The following KCNG3 variants were observed in gnomAD, a reference collection of about 807,000 sequenced individuals.
KCNG3 encodes the protein voltage-gated potassium channel regulatory subunit KCNG3.
A neutral mutation model predicts 29.0 loss-of-function variants in KCNG3; 15 were observed. That is an observed-to-expected ratio of 0.52 (90% CI 0.35 to 0.80). KCNG3 has a LOEUF of 0.80. Among genes scored for constraint, KCNG3 ranks in the 30% least tolerant of loss-of-function variants. The pLI is 0.01. For synonymous variants in KCNG3, 322 were observed against 248.9 expected, an observed-to-expected ratio of 1.29 and a Z score of -2.76; for missense variants, 512 against 605.7, an observed-to-expected ratio of 0.85 and a Z score of 1.62.
chr2:42,414,475 C>T, the KCNG3 span, among the ~76,000 whole-genome samples: 1 of 151,846 alleles, frequency 6.6e-6, no homozygotes. Context: ...TCTTTACCTC[C>T]TGGTAGCTTT....
chr2:42,484,848 G>C lies in KCNG3; in HGVS notation c.665+7989C>G, dbSNP rs559211621. ...TGGCAGCAGCCTGTACACATTAAAA[G>C]AAACAGTCTACTGTGAAAGAACAGA... On this transcript the variant is annotated intron_variant, in intron 1 of 1. Transcript: ENST00000306078. Among the ~76,000 whole-genome samples, 34 of 152,328 alleles carry C rather than the reference G, an allele frequency of 2.2e-4. No individual in the cohort carries two copies. The East Asian group carries it at 5.2e-3, about 23-fold the overall frequency.
intron 1 of KCNG3, among the ~76,000 whole-genome samples, chr2:42,449,008 T>C (rs903561854): frequency 3.3e-5 from 5 of 151,990 alleles, no homozygotes; most frequent in Non-Finnish European, 7.4e-5. Flanking sequence ...AAAACATGCT[T>C]ATACAGACAG....
chr2:42,469,592 A>G (rs987833699), intron 1 of KCNG3, among the ~76,000 whole-genome samples: 1 of 152,064 alleles, frequency 6.6e-6, no homozygotes, highest in African/African-American at 2.4e-5. Flanking sequence ...CATAAATAAT[A>G]ATAGGTGGAC....
At chr2:42,416,753 C>T in the KCNG3 span, among the ~76,000 whole-genome samples, 2 of 149,492 alleles carry the variant, frequency 1.3e-5, no homozygotes, top group African/African-American at 2.5e-5. Flanking sequence ...AGTAGGCAGA[C>T]GTTGCAGCGA....
the KCNG3 span, among the ~76,000 whole-genome samples, chr2:42,419,204 G>GCTC: frequency 8.0e-6 from 1 of 124,322 alleles, no homozygotes; most frequent in Non-Finnish European, 1.6e-5. Flanking sequence ...TCACAATAAA[G>GCTC]CTCAGATGGT....
chr2:42,411,343 A>T, the KCNG3 span, among the ~76,000 whole-genome samples: 2 of 152,098 alleles, frequency 1.3e-5, no homozygotes, highest in Non-Finnish European at 2.9e-5. Context: ...CCTACATTAC[A>T]TTTATAAATT....
At chr2:42,428,451 G>A in the KCNG3 span, among the ~76,000 whole-genome samples, 4 of 119,110 alleles carry the variant, frequency 3.4e-5, no homozygotes, top group African/African-American at 6.5e-5. Flanking sequence ...AGAGAGACCC[G>A]GTCTCGGGAA....
At chr2:42,474,270 G>A (rs1214633781) in intron 1 of KCNG3, among the ~76,000 whole-genome samples, 2 of 152,024 alleles carry the variant, frequency 1.3e-5, no homozygotes, top group Non-Finnish European at 2.9e-5. Flanking sequence ...GCTCATACCT[G>A]TAATCCCAGC....
intron 1 of KCNG3, among the ~76,000 whole-genome samples, chr2:42,485,218 C>A (rs1481094860): frequency 1.3e-5 from 2 of 151,976 alleles, no homozygotes; most frequent in African/African-American, 2.4e-5. Flanking sequence ...AATTAAAGAT[C>A]AAAATTCCAA....
At chr2:42,388,987 G>C in the KCNG3 span, among the ~76,000 whole-genome samples, 1 of 151,930 alleles carries the variant, frequency 6.6e-6, no homozygotes, top group Non-Finnish European at 1.5e-5. Context: ...GCAGGATCTC[G>C]GCTTACTGTA....
At chr2:42,428,459 GAAAAAAA>G in the KCNG3 span, among the ~76,000 whole-genome samples, 3 of 123,678 alleles carry the variant, frequency 2.4e-5, no homozygotes, top group South Asian at 2.6e-4. Context: ...CCGGTCTCGG[GAAAAAAA>G]AAAAAAAAAA....
chr2:42,399,653 G>A, the KCNG3 span, among the ~76,000 whole-genome samples: 2 of 152,178 alleles, frequency 1.3e-5, no homozygotes, highest in African/African-American at 2.4e-5. Flanking sequence ...AATAATTAAA[G>A]GGTAAGAGTG....
chr2:42,423,803 GGA>G, the KCNG3 span, among the ~76,000 whole-genome samples: 1 of 128,114 alleles, frequency 7.8e-6, no homozygotes, highest in Non-Finnish European at 1.6e-5. Flanking sequence ...TGAGGTGAAA[GGA>G]AAAAAAAAAA....
the KCNG3 span, among the ~76,000 whole-genome samples, chr2:42,430,151 G>T: frequency 2.0e-5 from 3 of 152,016 alleles, no homozygotes; most frequent in Non-Finnish European, 2.9e-5. Flanking sequence ...CAGATCACTT[G>T]AGCTCAGGAG....
At chr2:42,421,691 G>C in the KCNG3 span, among the ~76,000 whole-genome samples, 1 of 151,982 alleles carries the variant, frequency 6.6e-6, no homozygotes, top group South Asian at 2.1e-4. Flanking sequence ...TGCAAATGGA[G>C]AACAGAGCAA....
chr2:42,444,700 A>G lies in KCNG3; in HGVS notation c.666-121T>C. The G allele has an allele frequency of 1.1e-6, 1 of 872,776 alleles. No homozygotes were observed. Among genetic ancestry groups the G allele is most frequent in the East Asian group, 2.5e-5 (1 of 39,222 alleles). The allele number at this position is 872,776 out of a possible 1,614,324, so 54.1% of individuals were successfully genotyped here. On this transcript the variant is annotated intron_variant, in intron 1 of 1. Transcript: ENST00000306078. This position sits in a 1 kb window ranked among gnomAD's most constrained non-coding sequence, Gnocchi z 5.8. ...TCAGTTACTTTTCCAGAAAACATAAAGAACAGACAACATTAGCAACATCAT... is the reference window on the plus strand; with the variant it reads ...TCAGTTACTTTTCCAGAAAACATAAGGAACAGACAACATTAGCAACATCAT...
intron 1 of KCNG3, among the ~76,000 whole-genome samples, chr2:42,477,372 T>TACACACAC (rs1558386554): frequency 9.8e-6 from 1 of 101,754 alleles, no homozygotes; most frequent in Admixed American, 1.1e-4. Context: ...TACATATATA[T>TACACACAC]ACACACACAT....
intron 1 of KCNG3, among the ~76,000 whole-genome samples, chr2:42,489,143 G>A (rs1673808451): frequency 6.6e-6 from 1 of 151,110 alleles, no homozygotes; most frequent in African/African-American, 2.4e-5. Flanking sequence ...TCCTGACCTT[G>A]TGATCTGCCC....
chr2:42,464,872 C>G (rs1368943861), intron 1 of KCNG3, among the ~76,000 whole-genome samples: 1 of 152,166 alleles, frequency 6.6e-6, no homozygotes, highest in African/African-American at 2.4e-5. Flanking sequence ...CCGTCTGTCT[C>G]TCCAGCTAGG....
Sources: gnomAD v4.1 joint callset for allele counts (sites outside exome capture counted in the v4.1 genomes callset) on GRCh38, gnomAD v4.1.1 for gene constraint, Gnocchi (gnomAD v3.1) non-coding constraint, MANE v1.5 for transcripts, NCBI Gene and HGNC (gene_info 2026-07-23, HGNC 2026-07-21) for gene names.